Variants in CREB5 observed in about 807,000 individuals in gnomAD.
CREB5 encodes cAMP responsive element binding protein 5.
Under a neutral mutation model 57.1 loss-of-function variants are expected in CREB5, and 19 were observed. The observed-to-expected ratio is 0.33, with a 90% CI of 0.23 to 0.49. The LOEUF (loss-of-function observed/expected upper bound fraction) is 0.49, where lower values mean the gene tolerates loss of function less well. Ranked by LOEUF, CREB5 falls within the 20% of genes least tolerant of loss-of-function variation. The pLI is 0.99. For missense variants in CREB5, 579 were observed against 671.6 expected (o/e 0.86, Z 1.52); for synonymous variants, 238 against 238.3 (o/e 1.00, Z 0.01).
At chr7:28,305,794 A>G (rs1231686428) in intron 1 of CREB5, among the ~76,000 whole-genome samples, 1 of 143,332 alleles carries the variant, frequency 7.0e-6, no homozygotes, top group Non-Finnish European at 1.5e-5. Context: ...CTTTTGATTG[A>G]TTCCAGTAAC....
chr7:28,810,793 A>G (rs1809070432), intron 9 of CREB5, among the ~76,000 whole-genome samples: 1 of 152,224 alleles, frequency 6.6e-6, no homozygotes, highest in African/African-American at 2.4e-5. Context: ...AGGAACAGTT[A>G]GGGTGCCAAA....
At chr7:28,453,809 G>T (rs1218361759) in intron 1 of CREB5, among the ~76,000 whole-genome samples, 3 of 152,228 alleles carry the variant, frequency 2.0e-5, no homozygotes, top group African/African-American at 7.2e-5. Flanking sequence ...GCCCCCAAGG[G>T]CATTGCGATG....
At chr7:28,769,124 A>G (rs565219250) in intron 7 of CREB5, among the ~76,000 whole-genome samples, 1 of 152,228 alleles carries the variant, frequency 6.6e-6, no homozygotes, top group South Asian at 2.1e-4. Context: ...ATAGTAAAAG[A>G]ACAACATTTT....
At position 28,820,482 on chromosome 7, in the gene CREB5, C is replaced by T. The variant is rs1003467392; in HGVS notation, c.*1203C>T. ...CTGGGGGGTGAAAATAGACTAACTA[C>T]TGGAGAAACAAAGAGAGAAAGAAAA... is the stretch of plus-strand genomic sequence containing the variant. On this transcript the variant is annotated 3_prime_UTR_variant, in exon 11 of 11. Coordinates refer to ENST00000357727, the MANE Select transcript of CREB5 (RefSeq NM_182898.4). 6.6e-6 allele frequency: 1 copy of T among 151,120 alleles called. No homozygotes were observed. Among genetic ancestry groups the T allele is most frequent in the Admixed American group, 6.6e-5 (1 of 15,096 alleles). The allele number at this position is 151,120 out of a possible 1,614,324, so 9.4% of individuals were successfully genotyped here. A position where few individuals can be genotyped will look rare whatever the true frequency, so the allele number is the denominator to read the frequency against.
chr7:28,761,354 C>CG (rs1805636791), intron 7 of CREB5, among the ~76,000 whole-genome samples: 1 of 152,048 alleles, frequency 6.6e-6, no homozygotes, highest in Non-Finnish European at 1.5e-5. Context: ...CTGTAAATTG[C>CG]GGGTGTCGGA....
rs1810023376 is a variant in CREB5 at position 28,825,714 on chromosome 7, A to C, written c.*6435A>C. On this transcript the variant is annotated 3_prime_UTR_variant, in exon 11 of 11. Transcript: ENST00000357727. ...ATTTAATATGTTTAATTTTGTGTTA[A>C]GCTTTTTGTTGCATCGTGAACACAT... 2.6e-5 allele frequency: 4 copies of C among 152,604 alleles called. No homozygotes were observed. In the South Asian group the frequency reaches 8.3e-4, roughly 32 times the overall value. 9.5% of individuals were successfully genotyped at this position (152,604 alleles called of 1,614,324 possible).
At chr7:28,514,544 G>T (rs544477413) in intron 4 of CREB5, among the ~76,000 whole-genome samples, 1 of 151,942 alleles carries the variant, frequency 6.6e-6, no homozygotes, top group Non-Finnish European at 1.5e-5. Flanking sequence ...TACAGGCGCC[G>T]GCCACTACTC....
At chr7:28,589,966 A>G (rs1184503073) in intron 5 of CREB5, among the ~76,000 whole-genome samples, 2 of 152,202 alleles carry the variant, frequency 1.3e-5, no homozygotes, top group Non-Finnish European at 2.9e-5. Context: ...AAGACATTAT[A>G]TCTGGTGGTA....
chr7:28,566,104 C>A (rs1021435048), intron 4 of CREB5, among the ~76,000 whole-genome samples: 3 of 152,126 alleles, frequency 2.0e-5, no homozygotes, highest in East Asian at 3.9e-4. Context: ...TGTCAATTTT[C>A]CCCCTAAAAT....
intron 1 of CREB5, among the ~76,000 whole-genome samples, chr7:28,463,872 AG>A (rs1361183246): frequency 6.6e-6 from 1 of 152,154 alleles, no homozygotes; most frequent in East Asian, 1.9e-4. Context: ...CTGTGAATAG[AG>A]ATAGTTTTAA....
intron 7 of CREB5, among the ~76,000 whole-genome samples, chr7:28,765,436 T>C (rs1805910070): frequency 6.6e-6 from 1 of 152,266 alleles, no homozygotes; most frequent in South Asian, 2.1e-4. Flanking sequence ...AGGTGTGTAG[T>C]GAAATATTTA....
chr7:28,624,534 G>A (rs1797927672), intron 5 of CREB5, among the ~76,000 whole-genome samples: 1 of 152,156 alleles, frequency 6.6e-6, no homozygotes, highest in Non-Finnish European at 1.5e-5. Flanking sequence ...AACAGGCTGT[G>A]TACAAAAAGA....
chr7:28,628,065 G>T lies in CREB5; in HGVS notation c.464+57528G>T, dbSNP rs1163790856. On this transcript the variant is annotated intron_variant, in intron 5 of 10. Transcript: ENST00000357727. The stretch of plus-strand genomic sequence containing the variant: ...TTATTTGGAAACTTCCCAGTTCAGT[G>T]AAGGGATTTCTCTTATTCTCTTATT... 3.9e-5 allele frequency among the ~76,000 whole-genome samples: 6 copies of T among 152,038 alleles called. No individual in the cohort carries two copies. In the East Asian group the frequency reaches 1.2e-3, roughly 29 times the overall value.
At chr7:28,752,161 T>A (rs896108263) in intron 7 of CREB5, among the ~76,000 whole-genome samples, 4 of 152,174 alleles carry the variant, frequency 2.6e-5, no homozygotes, top group African/African-American at 7.2e-5. Context: ...CCTATCTTTC[T>A]CTTTGTAATT....
chr7:28,504,912 T>G (rs1315538857), intron 3 of CREB5, among the ~76,000 whole-genome samples: 2 of 152,142 alleles, frequency 1.3e-5, no homozygotes, highest in African/African-American at 4.8e-5. Context: ...GTTGGTTTGC[T>G]GAAAAAAAGG....
chr7:28,689,515 A>G (rs759870045), intron 5 of CREB5, among the ~76,000 whole-genome samples: 4 of 152,190 alleles, frequency 2.6e-5, no homozygotes, highest in Non-Finnish European at 5.9e-5. Context: ...TTCTTTGCCC[A>G]GTTACCCTCA....
intron 7 of CREB5, among the ~76,000 whole-genome samples, chr7:28,793,067 G>A (rs907825093): frequency 4.6e-5 from 7 of 152,108 alleles, no homozygotes; most frequent in African/African-American, 1.4e-4. Flanking sequence ...GAATCAGAGA[G>A]TATTGCAATC....
intron 1 of CREB5, among the ~76,000 whole-genome samples, chr7:28,433,022 A>G (rs1190527381): frequency 6.6e-6 from 1 of 152,186 alleles, no homozygotes; most frequent in Non-Finnish European, 1.5e-5. Flanking sequence ...TGTGATTTTA[A>G]TAGCCTTAGA....
intron 5 of CREB5, among the ~76,000 whole-genome samples, chr7:28,714,594 G>C (rs1802572652): frequency 6.6e-6 from 1 of 152,162 alleles, no homozygotes; most frequent in South Asian, 2.1e-4. Context: ...TCCTTCGGGG[G>C]GAAAAATGAG....
Sources: gnomAD v4.1 joint callset for allele counts (sites outside exome capture counted in the v4.1 genomes callset) on GRCh38, gnomAD v4.1.1 for gene constraint, MANE v1.5 for transcripts, NCBI Gene and HGNC (gene_info 2026-07-23, HGNC 2026-07-21) for gene names.